Variants in THSD7B observed in about 807,000 individuals in gnomAD.
THSD7B encodes thrombospondin type 1 domain containing 7B.
In THSD7B, 138 loss-of-function variants were observed where a neutral mutation model predicts 213.6. The observed-to-expected ratio is 0.65, with a 90% CI of 0.56 to 0.74. The LOEUF (loss-of-function observed/expected upper bound fraction) is 0.74. THSD7B is among the 30% of genes least tolerant of loss of function. The pLI is 0.00. For synonymous variants in THSD7B, 742 were observed against 687.0 expected (o/e 1.08, Z -1.25); for missense variants, 1,931 against 1,991.5 (o/e 0.97, Z 0.58).
At chr2:137,663,267 A>G in intron 25 of THSD7B, 116 bp from the exon 26 acceptor site, 1 of 857,866 alleles carries the variant, frequency 1.2e-6, no homozygotes, top group Non-Finnish European at 1.6e-6. Flanking sequence ...CAGTTGCCCC[A>G]AACCCTACAT....
At chr2:137,670,540 G>T (rs1311833341) in intron 27 of THSD7B, among the ~76,000 whole-genome samples, 1 of 152,104 alleles carries the variant, frequency 6.6e-6, no homozygotes, top group Non-Finnish European at 1.5e-5. Context: ...AGAGTAAATT[G>T]TCTATGCTAA....
intron 17 of THSD7B, among the ~76,000 whole-genome samples, chr2:137,581,473 A>T (rs1372191841): frequency 6.6e-6 from 1 of 152,128 alleles, no homozygotes; most frequent in Non-Finnish European, 1.5e-5. Context: ...CTGTAATCCC[A>T]GGTTCTCCAG....
intron 1 of THSD7B, among the ~76,000 whole-genome samples, chr2:136,777,445 C>G (rs960590036): frequency 1.3e-5 from 2 of 152,270 alleles, no homozygotes; most frequent in South Asian, 4.1e-4. Flanking sequence ...AGTCTGTATT[C>G]TGCCCTCACT....
At chr2:137,513,691 G>GAA (rs1416925892) in intron 15 of THSD7B, among the ~76,000 whole-genome samples, 1 of 152,008 alleles carries the variant, frequency 6.6e-6, no homozygotes, top group Non-Finnish European at 1.5e-5. Flanking sequence ...GAGTATCTTA[G>GAA]AAAACAGATC....
At chr2:137,171,202 T>C (rs905149915) in intron 7 of THSD7B, among the ~76,000 whole-genome samples, 14 of 152,158 alleles carry the variant, frequency 9.2e-5, no homozygotes, top group Admixed American at 5.2e-4. Flanking sequence ...GAGTTTTTAA[T>C]TTGTCAAAAA....
At chr2:137,349,954 T>C (rs1684970641) in intron 12 of THSD7B, among the ~76,000 whole-genome samples, 1 of 151,832 alleles carries the variant, frequency 6.6e-6, no homozygotes, top group South Asian at 2.1e-4. Flanking sequence ...CTCATATTTC[T>C]ATTATGGAAC....
chr2:137,623,830 G>T (rs776434693), intron 20 of THSD7B, among the ~76,000 whole-genome samples: 2 of 152,120 alleles, frequency 1.3e-5, no homozygotes, highest in Admixed American at 1.3e-4. Context: ...AAATAAAAGA[G>T]ATACAAACAA....
At chr2:136,857,690 A>G (rs892852474) in intron 1 of THSD7B, among the ~76,000 whole-genome samples, 1 of 152,206 alleles carries the variant, frequency 6.6e-6, no homozygotes, top group African/African-American at 2.4e-5. Context: ...AGACAGAATT[A>G]TGTGTATCTG....
At chr2:137,367,394 G>A (rs1172654667) in intron 12 of THSD7B, among the ~76,000 whole-genome samples, 1 of 152,130 alleles carries the variant, frequency 6.6e-6, no homozygotes, top group Non-Finnish European at 1.5e-5. Context: ...TAGGGTAGGA[G>A]TAATGCAATT....
chr2:136,936,380 T>C (rs1425835169), intron 2 of THSD7B, among the ~76,000 whole-genome samples: 1 of 152,152 alleles, frequency 6.6e-6, no homozygotes, highest in Non-Finnish European at 1.5e-5. Context: ...CGCATGTTTA[T>C]AGCAGCACAA....
intron 23 of THSD7B, 44 bp downstream of exon 23, chr2:137,657,013 G>A: frequency 6.2e-7 from 1 of 1,613,540 alleles, no homozygotes; most frequent in Non-Finnish European, 8.5e-7. Flanking sequence ...ATTGATCAAT[G>A]CTTATTCTAA....
chr2:136,982,869 G>A (rs1339876494), intron 2 of THSD7B, among the ~76,000 whole-genome samples: 1 of 152,088 alleles, frequency 6.6e-6, no homozygotes, highest in Non-Finnish European at 1.5e-5. Context: ...AAAATGAACT[G>A]GAAAGATTGT....
In THSD7B at chr2:136,909,794, C is replaced by T. The variant is rs369239601; in HGVS notation, c.139+27477C>T. Among the ~76,000 whole-genome samples the T allele has an allele frequency of 4.6e-5, 7 of 152,184 alleles. No homozygotes were observed. The East Asian group carries it at 1.3e-3, about 29-fold the overall frequency. On this transcript the variant is annotated intron_variant, in intron 2 of 27. Coordinates refer to ENST00000409968, the MANE Select transcript of THSD7B (RefSeq NM_001316349.2). ...CGATGCTTCCATATTTGTAATATGGCCAGACTACTTACATTCTTTCCTGTT... is the reference window on the plus strand; with the variant it reads ...CGATGCTTCCATATTTGTAATATGGTCAGACTACTTACATTCTTTCCTGTT...
intron 15 of THSD7B, among the ~76,000 whole-genome samples, chr2:137,476,697 G>T (rs1481386591): frequency 6.6e-6 from 1 of 151,856 alleles, no homozygotes; most frequent in Non-Finnish European, 1.5e-5. Flanking sequence ...CAGCCACCAC[G>T]CCAGGCTAAT....
chr2:136,820,726 T>C (rs1682552665), intron 1 of THSD7B, among the ~76,000 whole-genome samples: 1 of 152,230 alleles, frequency 6.6e-6, no homozygotes, highest in African/African-American at 2.4e-5. Context: ...GTCAAATTCC[T>C]GAATTTAATA....
intron 7 of THSD7B, among the ~76,000 whole-genome samples, chr2:137,219,945 A>G (rs1251408146): frequency 1.3e-5 from 2 of 152,206 alleles, no homozygotes; most frequent in East Asian, 3.8e-4. Context: ...AACATTCACT[A>G]TGGAAAAATT....
At chr2:136,986,560 C>G (rs1451201408) in intron 2 of THSD7B, among the ~76,000 whole-genome samples, 2 of 152,154 alleles carry the variant, frequency 1.3e-5, no homozygotes, top group East Asian at 3.8e-4. Flanking sequence ...AATGATGCAG[C>G]CTCAGGTATT....
chr2:137,613,348 G>C (rs1682321967), intron 17 of THSD7B, among the ~76,000 whole-genome samples: 1 of 152,122 alleles, frequency 6.6e-6, no homozygotes, highest in African/African-American at 2.4e-5. Flanking sequence ...CTCCTTCATA[G>C]AAAGTGTGCT....
intron 2 of THSD7B, among the ~76,000 whole-genome samples, chr2:136,886,162 A>G (rs1359507307): frequency 6.6e-6 from 1 of 152,164 alleles, no homozygotes; most frequent in Non-Finnish European, 1.5e-5. Flanking sequence ...GAGACGGGTA[A>G]CGGGGTCCAC....
Sources: gnomAD v4.1 joint callset for allele counts (sites outside exome capture counted in the v4.1 genomes callset) on GRCh38, gnomAD v4.1.1 for gene constraint, MANE v1.5 for transcripts, NCBI Gene and HGNC (gene_info 2026-07-23, HGNC 2026-07-21) for gene names.